LRP1B: variants seen among roughly 807,000 people sequenced by gnomAD.
LRP1B encodes the protein low-density lipoprotein receptor-related protein 1B.
In LRP1B, 217 loss-of-function variants were observed where a neutral mutation model predicts 556.6. The ratio of observed to expected loss-of-function variants is 0.39; its 90% CI spans 0.35 to 0.44. The LOEUF (loss-of-function observed/expected upper bound fraction) is 0.44, where lower values mean the gene tolerates loss of function less well. LRP1B is among the 20% of genes least tolerant of loss of function. LRP1B has a pLI of 1.00. For missense variants in LRP1B, 5,053 were observed against 5,620.8 expected (o/e 0.90, Z 3.23); for synonymous variants, 2,047 against 1,865.8 (o/e 1.10, Z -2.50).
At chr2:141,369,874 T>TA (rs908340767) in intron 3 of LRP1B, among the ~76,000 whole-genome samples, 1 of 152,170 alleles carries the variant, frequency 6.6e-6, no homozygotes, top group Non-Finnish European at 1.5e-5. Context: ...AGCTCCCACT[T>TA]AAAAAAGAAC....
At chr2:141,992,518 C>A (rs1702377072) in intron 1 of LRP1B, among the ~76,000 whole-genome samples, 1 of 152,120 alleles carries the variant, frequency 6.6e-6, no homozygotes, top group African/African-American at 2.4e-5. Flanking sequence ...CTCCGCATTT[C>A]TGTAATTTAG....
chr2:140,597,693 T>G (rs1356196998), intron 43 of LRP1B, among the ~76,000 whole-genome samples: 3 of 152,192 alleles, frequency 2.0e-5, no homozygotes, highest in South Asian at 4.1e-4. Flanking sequence ...TAGAATTTGC[T>G]GATTTGTTGC....
intron 47 of LRP1B, among the ~76,000 whole-genome samples, chr2:140,530,018 A>T (rs1690618998): frequency 6.6e-6 from 1 of 152,100 alleles, no homozygotes. Flanking sequence ...AATTCATTGC[A>T]ACACCCTTTC....
chr2:141,314,826 A>ATATGTG (rs1323342015), intron 3 of LRP1B, among the ~76,000 whole-genome samples: 2 of 119,160 alleles, frequency 1.7e-5, no homozygotes, highest in African/African-American at 5.9e-5. Flanking sequence ...ATATATATAT[A>ATATGTG]TGTGTATATA....
chr2:141,783,371 T>C (rs763265327), intron 2 of LRP1B, among the ~76,000 whole-genome samples: 1 of 152,022 alleles, frequency 6.6e-6, no homozygotes. Context: ...AATAGTAATA[T>C]AATCTTAATC....
intron 1 of LRP1B, among the ~76,000 whole-genome samples, chr2:141,877,620 T>G (rs936754791): frequency 6.6e-6 from 1 of 152,002 alleles, no homozygotes; most frequent in African/African-American, 2.4e-5. Flanking sequence ...CACATTTTAC[T>G]TTCGCAAATT....
intron 1 of LRP1B, among the ~76,000 whole-genome samples, chr2:141,914,463 C>T (rs1699981559): frequency 6.6e-6 from 1 of 152,196 alleles, no homozygotes; most frequent in Admixed American, 6.5e-5. Flanking sequence ...TGCCCACTCT[C>T]ACCATTCCAA....
rs997155005 is a variant in LRP1B at position 141,930,232 on chromosome 2, A to C, written c.83-119831T>G. Among the ~76,000 whole-genome samples the C allele has an allele frequency of 9.9e-5, 15 of 152,192 alleles. No homozygotes were observed. In the South Asian group the frequency reaches 1.2e-3, roughly 13 times the overall value. On this transcript the variant is annotated intron_variant, in intron 1 of 90. Transcript: ENST00000389484. ...ACTTTTAAATATTAAACTAAGTAAT[A>C]GTTATAACCAGTTCCTCCATAAAAG...
intron 1 of LRP1B, among the ~76,000 whole-genome samples, chr2:142,011,613 T>C (rs374086428): frequency 1.3e-3 from 199 of 152,310 alleles, no homozygotes; most frequent in African/African-American, 4.3e-3. Flanking sequence ...AAAGGCCTGA[T>C]GTTGTGTTCT....
Position 141,586,815 on chromosome 2 carries a change from G to A in LRP1B, c.206-106282C>T, listed in dbSNP as rs551025023. ...AAATTAGCCGGGCATGGTGGCGGGCGCCTGTAGTCCCAGCTACTTGGGAGG... is the reference window on the plus strand; with the variant it reads ...AAATTAGCCGGGCATGGTGGCGGGCACCTGTAGTCCCAGCTACTTGGGAGG... On this transcript the variant is annotated intron_variant, in intron 2 of 90. Transcript: ENST00000389484. Among the ~76,000 whole-genome samples, 3 of 151,922 alleles carry A rather than the reference G, an allele frequency of 2.0e-5. No individual in the cohort carries two copies. The South Asian group carries it at 6.2e-4, about 32-fold the overall frequency.
chr2:140,862,606 G>C (rs1331152735), intron 27 of LRP1B, among the ~76,000 whole-genome samples: 1 of 152,124 alleles, frequency 6.6e-6, no homozygotes, highest in Admixed American at 6.5e-5. Flanking sequence ...TATCTCATCA[G>C]AGACCATTTC....
At chr2:141,832,336 C>CTT (rs1226571688) in intron 1 of LRP1B, among the ~76,000 whole-genome samples, 1,809 of 148,392 alleles carry the variant, frequency 0.012, 35 homozygotes, top group African/African-American at 0.032. Context: ...CTCACACACA[C>CTT]ACACACACAC....
At chr2:141,250,057 A>G (rs1684206132) in intron 4 of LRP1B, among the ~76,000 whole-genome samples, 2 of 152,226 alleles carry the variant, frequency 1.3e-5, no homozygotes, top group African/African-American at 2.4e-5. Context: ...GGAGCAAAAG[A>G]TAACAGGATG....
intron 21 of LRP1B, among the ~76,000 whole-genome samples, chr2:140,914,732 T>C (rs1222283443): frequency 6.6e-6 from 1 of 151,778 alleles, no homozygotes; most frequent in African/African-American, 2.4e-5. Context: ...GAAAGTGAAA[T>C]AAAAAGAGGA....
chr2:141,281,225 T>A (rs1685497900), intron 3 of LRP1B, among the ~76,000 whole-genome samples: 1 of 152,052 alleles, frequency 6.6e-6, no homozygotes, highest in Non-Finnish European at 1.5e-5. Flanking sequence ...ATCACTGGAT[T>A]GAAATAATGC....
In LRP1B at chr2:141,637,844, CTTATGA is replaced by C. The variant is rs1417590558; in HGVS notation, c.206-157317_206-157312del. Among the ~76,000 whole-genome samples the C allele has an allele frequency of 2.8e-4, 43 of 152,270 alleles. No individual in the cohort carries two copies. The East Asian group carries it at 7.9e-3, about 28-fold the overall frequency. On this transcript the variant is annotated intron_variant, in intron 2 of 90. Coordinates refer to ENST00000389484, the MANE Select transcript of LRP1B (RefSeq NM_018557.3). Reference sequence around the variant, plus strand: ...AGATATGAATCATGGGGGCAGATCCCTTATGAATAGCTTAGCAGCATCTCCTTGGTG... The same window carrying C: ...AGATATGAATCATGGGGGCAGATCCCATAGCTTAGCAGCATCTCCTTGGTG...
intron 4 of LRP1B, among the ~76,000 whole-genome samples, chr2:141,248,672 T>C (rs972787648): frequency 8.5e-5 from 13 of 152,252 alleles, no homozygotes; most frequent in Admixed American, 4.6e-4. Context: ...ATAATGAAGA[T>C]ATTTGTATGC....
At chr2:141,097,219 G>A (rs1700345035) in intron 7 of LRP1B, among the ~76,000 whole-genome samples, 1 of 152,128 alleles carries the variant, frequency 6.6e-6, no homozygotes, top group Non-Finnish European at 1.5e-5. Context: ...ACAACAAATG[G>A]AGAATCTATG....
chr2:141,007,096 A>G (rs1244297551), intron 14 of LRP1B, among the ~76,000 whole-genome samples: 1 of 151,948 alleles, frequency 6.6e-6, no homozygotes, highest in Non-Finnish European at 1.5e-5. Flanking sequence ...TGAAACATTA[A>G]AAATAAAGAG....
Sources: allele counts gnomAD v4.1 joint callset (sites outside exome capture counted in the v4.1 genomes callset), GRCh38; gene constraint gnomAD v4.1.1; transcripts MANE v1.5; gene names NCBI Gene and HGNC (gene_info 2026-07-23, HGNC 2026-07-21).